Variants in CTCF observed in about 807,000 individuals in gnomAD.
CTCF encodes the protein transcriptional repressor CTCF.
In CTCF, 7 loss-of-function variants were observed where a neutral mutation model predicts 72.3. That is an observed-to-expected ratio of 0.10 (90% confidence interval 0.06 to 0.18). CTCF has a LOEUF of 0.18. Ranked by LOEUF, CTCF falls within the 10% of genes least tolerant of loss-of-function variation. The pLI is 1.00. For synonymous variants in CTCF, 374 were observed against 315.8 expected (o/e 1.18, Z -1.95); for missense variants, 516 against 949.1 (o/e 0.54, Z 6.00).
At chr16:67,574,169 A>G (rs2051463401) in intron 2 of CTCF, among the ~76,000 whole-genome samples, 9 of 152,166 alleles carry the variant, frequency 5.9e-5, no homozygotes, top group Admixed American at 5.9e-4. Flanking sequence ...GTTCAGTCCC[A>G]TAAGACCACC....
At chr16:67,576,381 GTT>G (rs2051496486) in intron 2 of CTCF, among the ~76,000 whole-genome samples, 2 of 152,034 alleles carry the variant, frequency 1.3e-5, no homozygotes, top group South Asian at 4.1e-4. Flanking sequence ...TGTGAGGGTA[GTT>G]TGGTTTGGGG....
chr16:67,575,538 G>C (rs1002732239), intron 2 of CTCF, among the ~76,000 whole-genome samples: 1 of 151,916 alleles, frequency 6.6e-6, no homozygotes, highest in East Asian at 1.9e-4. Context: ...TCTGCTTCCC[G>C]GGTTCAACCG....
intron 2 of CTCF, among the ~76,000 whole-genome samples, chr16:67,580,557 T>TATTC (rs1397021710): frequency 1.3e-5 from 2 of 151,326 alleles, no homozygotes; most frequent in Non-Finnish European, 2.9e-5. Flanking sequence ...TTTATGTATT[T>TATTC]ATTTATTTAT....
intron 2 of CTCF, among the ~76,000 whole-genome samples, chr16:67,598,373 A>G (rs908461600): frequency 6.6e-6 from 1 of 152,106 alleles, no homozygotes; most frequent in African/African-American, 2.4e-5. Context: ...ATATTTTCCT[A>G]TATTTATTTA....
At chr16:67,564,493 T>C (rs531801658) in intron 1 of CTCF, among the ~76,000 whole-genome samples, 2 of 152,356 alleles carry the variant, frequency 1.3e-5, no homozygotes, top group South Asian at 2.1e-4. Context: ...CTGCAAAATA[T>C]TCCTGCCACC....
At chr16:67,586,773 T>C (rs1363565353) in intron 2 of CTCF, among the ~76,000 whole-genome samples, 3 of 152,170 alleles carry the variant, frequency 2.0e-5, no homozygotes, top group African/African-American at 4.8e-5. Flanking sequence ...CCATATCTTA[T>C]GCTGCTATAC....
At chr16:67,584,011 G>A (rs888721540) in intron 2 of CTCF, among the ~76,000 whole-genome samples, 9 of 152,084 alleles carry the variant, frequency 5.9e-5, no homozygotes, top group African/African-American at 1.9e-4. Context: ...CAAGGGGACT[G>A]CAAAGCCAGA....
At position 67,636,747 on chromosome 16, in the gene CTCF, T is replaced by C. The variant is rs1286865935; in HGVS notation, c.1895T>C (p.Ile632Thr). ...GATGAGGAGGAGCCTGCCGTAGAAA[T>C]TGAACCTGAGCCAGAGCCTCAGCCT... is the stretch of plus-strand genomic sequence containing the variant. ...NEDEEEPAVE[I>T]EPEPEPQPVT... is the part of the protein sequence containing the mutation. Residue 632 changes from isoleucine to threonine, a missense_variant, in exon 11 of 12, where the codon ATT (isoleucine) becomes ACT (threonine). Ile to Thr is a moderately conservative substitution (Grantham distance 89). Around this residue, in one of 7 missense-constraint regions of CTCF, gnomAD observed 157 missense variants for 172.9 expected, o/e 0.91. Transcript: ENST00000264010. 1.9e-6 allele frequency: 3 copies of C among 1,609,378 alleles called. No individual in the cohort carries two copies. The highest frequency in any genetic ancestry group is 1.7e-6 in the Non-Finnish European group (2 of 1,177,970).
intron 6 of CTCF, chr16:67,621,193 A>G (rs1261012538): frequency 7.4e-6 from 3 of 406,176 alleles, no homozygotes; most frequent in Non-Finnish European, 8.9e-6. Flanking sequence ...AGTCTCCCCC[A>G]AAGGTAAGCA....
chr16:67,597,612 C>T (rs2051832162), intron 2 of CTCF, among the ~76,000 whole-genome samples: 1 of 152,230 alleles, frequency 6.6e-6, no homozygotes, highest in African/African-American at 2.4e-5. Flanking sequence ...GCTGAGATTA[C>T]AGGCGTGAGC....
intron 8 of CTCF, among the ~76,000 whole-genome samples, chr16:67,628,094 C>CA (rs959228621): frequency 6.5e-4 from 92 of 141,308 alleles, no homozygotes; most frequent in African/African-American, 7.6e-4. Context: ...GACTCCGTCT[C>CA]AAAAAAAAAA....
intron 5 of CTCF, among the ~76,000 whole-genome samples, chr16:67,619,324 T>C (rs1239872123): frequency 6.6e-6 from 1 of 152,006 alleles, no homozygotes; most frequent in Non-Finnish European, 1.5e-5. Flanking sequence ...TAGTCTCAGC[T>C]ACTCGGGAGG....
At chr16:67,636,433 G>A (rs534913505) in intron 10 of CTCF, among the ~76,000 whole-genome samples, 6 of 148,568 alleles carry the variant, frequency 4.0e-5, no homozygotes, top group East Asian at 3.9e-4. Context: ...CTGTAGTCCC[G>A]GCCACTCAGG....
chr16:67,615,899 A>G (rs1241265211), intron 4 of CTCF: 1 of 152,080 alleles, frequency 6.6e-6, no homozygotes, highest in Non-Finnish European at 1.5e-5. Flanking sequence ...GGCTCTTCCT[A>G]ATTGTATCCT....
rs2142869334 is a variant in CTCF, at chr16:67,629,446, G to C, written c.1750G>C (p.Glu584Gln). The change falls in exon 10 of 12, where the codon GAG becomes CAG. Residue 584 changes from glutamate (E) to glutamine (Q), a missense_variant. Physicochemically the swap from Glu to Gln is conservative, Grantham distance 29. Around this residue, in one of 7 missense-constraint regions of CTCF, gnomAD observed 157 missense variants for 172.9 expected, o/e 0.91. Transcript: ENST00000264010. ...ADNCAGPDGV[E>Q]GENGGETKKS... ...TAATTGTGCTGGCCCAGATGGCGTA[G>C]AGGGGGAAAATGGAGGAGAAACGAA... The C allele has an allele frequency of 6.2e-7, 1 of 1,611,222 alleles. No homozygotes were observed.
At chr16:67,579,204 G>A (rs1265040561) in intron 2 of CTCF, among the ~76,000 whole-genome samples, 4 of 151,890 alleles carry the variant, frequency 2.6e-5, no homozygotes, top group Admixed American at 6.6e-5. Context: ...GCAGTGAGCC[G>A]AGATCGCCAT....
intron 2 of CTCF, among the ~76,000 whole-genome samples, chr16:67,587,137 C>T (rs567890869): frequency 7.4e-5 from 10 of 135,944 alleles, no homozygotes; most frequent in South Asian, 2.3e-4. Context: ...GACAGGGTCT[C>T]GCTCTGTCGC....
At chr16:67,609,281 C>G (rs1480845322) in intron 2 of CTCF, among the ~76,000 whole-genome samples, 2 of 152,186 alleles carry the variant, frequency 1.3e-5, no homozygotes, top group Non-Finnish European at 2.9e-5. Flanking sequence ...AAAATCTGCT[C>G]TCAGTTATTT....
intron 2 of CTCF, among the ~76,000 whole-genome samples, chr16:67,583,048 G>A (rs1013848855): frequency 3.4e-5 from 5 of 148,896 alleles, no homozygotes; most frequent in East Asian, 2.0e-4. Context: ...GCAGTGGTGC[G>A]ATCTCGGCTC....
Sources: allele counts gnomAD v4.1 joint callset (sites outside exome capture counted in the v4.1 genomes callset), GRCh38; gene constraint gnomAD v4.1.1; regional missense constraint gnomAD v4.1.1; transcripts MANE v1.5; gene names NCBI Gene and HGNC (gene_info 2026-07-23, HGNC 2026-07-21).